The following ACSM2B variants were observed in gnomAD, a reference collection of about 807,000 sequenced individuals.
The protein encoded by ACSM2B is acyl-CoA synthetase medium chain family member 2B.
A neutral mutation model predicts 78.6 loss-of-function variants in ACSM2B; 58 were observed. That is an observed-to-expected ratio of 0.74 (90% confidence interval 0.60 to 0.92). The LOEUF (loss-of-function observed/expected upper bound fraction) is 0.92. Among genes scored for constraint, ACSM2B ranks in the 40% least tolerant of loss-of-function variants. The pLI is 0.00. For missense variants in ACSM2B, 688 were observed against 711.2 expected, an observed-to-expected ratio of 0.97 and a Z score of 0.37; for synonymous variants, 257 against 256.8, an observed-to-expected ratio of 1.00 and a Z score of -0.01.
intron 1 of ACSM2B, among the ~76,000 whole-genome samples, chr16:20,572,077 G>A (rs535307148): frequency 2.0e-5 from 3 of 150,732 alleles, no homozygotes; most frequent in Non-Finnish European, 3.0e-5. Flanking sequence ...TTCAACATTA[G>A]TATTGAGATG....
chr16:20,547,088 C>T (rs1227858985), intron 8 of ACSM2B: 1 of 972,140 alleles, frequency 1.0e-6, no homozygotes, highest in Non-Finnish European at 1.3e-6. Flanking sequence ...TTGTCATTTT[C>T]TCAGATCTAG....
At chr16:20,545,910 A>T (rs569921450) in intron 9 of ACSM2B, among the ~76,000 whole-genome samples, 2 of 152,318 alleles carry the variant, frequency 1.3e-5, no homozygotes, top group South Asian at 2.1e-4. Flanking sequence ...CACATTCATT[A>T]TAGTGTATTT....
intron 1 of ACSM2B, among the ~76,000 whole-genome samples, chr16:20,569,965 T>C (rs1425499837): frequency 1.3e-5 from 2 of 151,718 alleles, no homozygotes; most frequent in Non-Finnish European, 3.0e-5. Context: ...TTTGGAGGAG[T>C]CTTTAAGGTC....
intron 3 of ACSM2B, among the ~76,000 whole-genome samples, chr16:20,557,508 C>T (rs2015511463): frequency 6.6e-6 from 1 of 152,162 alleles, no homozygotes; most frequent in African/African-American, 2.4e-5. Flanking sequence ...TTTCCAACTC[C>T]ACTATTGCCT....
rs143182245 is a variant in ACSM2B at position 20,542,990 on chromosome 16, A to G, written c.1433T>C (p.Val478Ala). Residue 478 changes from valine to alanine, a missense_variant, in exon 12 of 14, where the codon GTA becomes GCA. By Grantham distance (64) the Val-to-Ala change is moderately conservative. Transcript: ENST00000329697. ...SSGYRIGPSEVENALMKHPAV... is the reference protein window; with the variant it reads ...SSGYRIGPSEAENALMKHPAV... ...AGGGTGCTTCATCAGTGCATTCTCT[A>G]CCTCCGAGGGTCCAATCCGGTACCT... 2 of 1,613,442 alleles carry G rather than the reference A, an allele frequency of 1.2e-6. No individual in the cohort carries two copies. The highest frequency in any genetic ancestry group is 1.7e-6 in the Non-Finnish European group (2 of 1,179,836).
Position 20,543,145 on chromosome 16 carries a change from T to C in ACSM2B, c.1399A>G (p.Asn467Asp), listed in dbSNP as rs564317222. The C allele has an allele frequency of 6.2e-7, 1 of 1,613,902 alleles. No individual in the cohort carries two copies. Among genetic ancestry groups the C allele is most frequent in the African/African-American group, 1.3e-5 (1 of 74,930 alleles). Residue 467 changes from asparagine (N) to aspartate (D), a missense_variant, in exon 11 of 14, where the codon AAC (asparagine) becomes GAC (aspartate). Asn to Asp is a conservative substitution (Grantham distance 23). Coordinates refer to ENST00000329697, the MANE Select transcript of ACSM2B (RefSeq NM_001105069.2). ...AGAAACCAAGCTCACCCGCTGGAGT[T>C]AATGATATCATCTGCCCGTCCCATA... ...QFMGRADDII[N>D]SSGYRIGPSE...
intron 12 of ACSM2B, chr16:20,542,636 A>C (rs377109104): frequency 1.3e-4 from 57 of 425,728 alleles, no homozygotes; most frequent in Non-Finnish European, 2.3e-4. Context: ...TTGCTGGATC[A>C]TATGGTAGTT....
intron 1 of ACSM2B, 37 bp downstream of exon 1, chr16:20,576,170 A>G (rs1464436892): frequency 6.6e-6 from 1 of 151,320 alleles, no homozygotes; most frequent in Non-Finnish European, 1.5e-5. Context: ...ATCATGGATT[A>G]TGACCCCATC....
At position 20,566,717 on chromosome 16, in the gene ACSM2B, AG is replaced by A. The variant is rs60410093; in HGVS notation, c.-8-1865del. Reference sequence around the variant, plus strand: ...TATATAGTATATATATAGTATATATAGTATATACTATATATAGTATATACTA... The same window carrying A: ...TATATAGTATATATATAGTATATATATATATACTATATATAGTATATACTA... On this transcript the variant is annotated intron_variant, in intron 1 of 13. Coordinates refer to ENST00000329697, the MANE Select transcript of ACSM2B (RefSeq NM_001105069.2). 7.0e-3 allele frequency among the ~76,000 whole-genome samples: 48 copies of A among 6,836 alleles called. 2 individuals are homozygous for A. The highest frequency in any genetic ancestry group is 0.011 in the South Asian group (2 of 186). 4.5% of individuals were successfully genotyped at this position (6,836 alleles called of 152,430 possible).
intron 4 of ACSM2B, among the ~76,000 whole-genome samples, chr16:20,555,008 G>A (rs537756681): frequency 6.6e-6 from 1 of 152,128 alleles, no homozygotes; most frequent in Non-Finnish European, 1.5e-5. Flanking sequence ...TAATGATTCA[G>A]TGCTTTTCAA....
intron 2 of ACSM2B, among the ~76,000 whole-genome samples, chr16:20,560,715 G>A (rs2015627226): frequency 6.6e-6 from 1 of 152,070 alleles, no homozygotes; most frequent in Admixed American, 6.5e-5. Flanking sequence ...CTGGAACTTG[G>A]TCATGGGAAG....
intron 1 of ACSM2B, among the ~76,000 whole-genome samples, chr16:20,567,262 A>G (rs1468162680): frequency 3.1e-5 from 4 of 127,502 alleles, no homozygotes; most frequent in Non-Finnish European, 6.3e-5. Flanking sequence ...TATATAATAT[A>G]TAGTATAATA....
intron 13 of ACSM2B, among the ~76,000 whole-genome samples, chr16:20,538,790 G>A (rs1005564897): frequency 6.6e-6 from 1 of 152,124 alleles, no homozygotes; most frequent in South Asian, 2.1e-4. Context: ...AGAGGTTATC[G>A]AGTAAGTGGT....
intron 13 of ACSM2B, among the ~76,000 whole-genome samples, chr16:20,539,632 T>G (rs1054574199): frequency 5.9e-5 from 9 of 151,980 alleles, no homozygotes; most frequent in Non-Finnish European, 1.3e-4. Flanking sequence ...CCCCTGCACT[T>G]TCTCTGAGGA....
intron 1 of ACSM2B, among the ~76,000 whole-genome samples, chr16:20,570,114 G>A (rs998192914): frequency 6.6e-6 from 1 of 151,802 alleles, no homozygotes; most frequent in Non-Finnish European, 1.5e-5. Flanking sequence ...CAAGTGGTGA[G>A]AGTAAGCATT....
intron 9 of ACSM2B, among the ~76,000 whole-genome samples, chr16:20,546,004 A>G (rs1596708794): frequency 6.6e-6 from 1 of 152,318 alleles, no homozygotes; most frequent in African/African-American, 2.4e-5. Flanking sequence ...ATACTATATC[A>G]TCATTAAAAA....
intron 2 of ACSM2B, among the ~76,000 whole-genome samples, chr16:20,560,974 C>T (rs1364074365): frequency 6.6e-6 from 1 of 151,948 alleles, no homozygotes; most frequent in Non-Finnish European, 1.5e-5. Flanking sequence ...GAAGTTTTAA[C>T]GTAAGAGTAA....
At chr16:20,564,045 T>A (rs2015744953) in intron 2 of ACSM2B, among the ~76,000 whole-genome samples, 2 of 151,520 alleles carry the variant, frequency 1.3e-5, no homozygotes, top group Admixed American at 6.6e-5. Flanking sequence ...TGCACACCTC[T>A]ATTGACAGGG....
At chr16:20,567,439 TATATA>T (rs2015943041) in intron 1 of ACSM2B, among the ~76,000 whole-genome samples, 1 of 119,052 alleles carries the variant, frequency 8.4e-6, no homozygotes, top group South Asian at 2.2e-4. Flanking sequence ...TAATATATAA[TATATA>T]GTATATTATT....
Sources: allele counts gnomAD v4.1 joint callset (sites outside exome capture counted in the v4.1 genomes callset), GRCh38; gene constraint gnomAD v4.1.1; transcripts MANE v1.5; gene names NCBI Gene and HGNC (gene_info 2026-07-23, HGNC 2026-07-21).